MYCBP2: variants seen among roughly 807,000 people sequenced by gnomAD.
The protein encoded by MYCBP2 is E3 ubiquitin-protein ligase MYCBP2.
Under a neutral mutation model 525.3 loss-of-function variants are expected in MYCBP2, and 120 were observed. The observed-to-expected ratio is 0.23, with a 90% confidence interval of 0.20 to 0.27. MYCBP2 has a LOEUF of 0.27. MYCBP2 is among the 10% of genes least tolerant of loss of function. The pLI is 1.00. For missense variants in MYCBP2, 4,149 were observed against 5,657.1 expected (o/e 0.73, Z 8.55); for synonymous variants, 1,894 against 1,955.8 (o/e 0.97, Z 0.83).
Position 77,090,092 on chromosome 13 carries a change from A to G in MYCBP2, c.10525+14T>C, listed in dbSNP as rs762730291. ...GTCAGATCACTCAATATTCTTTTTT[A>G]TCCTCATACTTACCAGTGTCTCCAC... On this transcript the variant is annotated intron_variant, in intron 60 of 82. Transcript: ENST00000544440. 2 of 1,595,310 alleles carry G rather than the reference A, an allele frequency of 1.3e-6. No individual in the cohort carries two copies. Among genetic ancestry groups the G allele is most frequent in the Admixed American group, 3.5e-5 (2 of 57,618 alleles).
Position 77,174,480 on chromosome 13 carries a change from T to C in MYCBP2, c.5482A>G (p.Lys1828Glu). 6.2e-7 allele frequency: 1 copy of C among 1,613,356 alleles called. No individual in the cohort carries two copies. Among genetic ancestry groups the C allele is most frequent in the Non-Finnish European group, 8.5e-7 (1 of 1,179,372 alleles). The part of the protein sequence containing the change: ...DKVVPLKENV[K>E]YAVRLRNYGS... Reference sequence around the variant, plus strand: ...TAGTTCCTCAAGCGCACAGCATATTTAACATTTTCCTTCATTATAAAGATG... The same window carrying C: ...TAGTTCCTCAAGCGCACAGCATATTCAACATTTTCCTTCATTATAAAGATG... The change falls in exon 37 of 83, where the codon AAA becomes GAA. Residue 1828 changes from lysine to glutamate, a missense_variant. Coordinates refer to ENST00000544440, the MANE Select transcript of MYCBP2 (RefSeq NM_015057.5).
At chr13:77,227,483 C>CAT (rs2066453578) in intron 18 of MYCBP2, among the ~76,000 whole-genome samples, 2 of 7,814 alleles carry the variant, frequency 2.6e-4, no homozygotes, top group African/African-American at 4.6e-4. Flanking sequence ...CACACACATA[C>CAT]ACACACACAC....
Position 77,081,572 on chromosome 13 carries a change from C to T in MYCBP2, c.11273G>A (p.Gly3758Asp), listed in dbSNP as rs777966842. ...TTCTGTGGAGCCGTCTGTCAAACTG[C>T]CAATCATGGCAGGTCGGCTTGAAGT... ...IKTSSRPAMI[G>D]SLTDGSTETF... Residue 3758 changes from glycine to aspartate, a missense_variant, in exon 65 of 83, where the codon GGC becomes GAC. By Grantham distance (94) the Gly-to-Asp change is moderately conservative. Around this residue, in one of 21 missense-constraint regions of MYCBP2, gnomAD observed 509 missense variants for 789.4 expected, o/e 0.64. Coordinates refer to ENST00000544440, the MANE Select transcript of MYCBP2 (RefSeq NM_015057.5). The surrounding 1 kb of genome is among the most constrained non-coding windows in gnomAD (Gnocchi z 4.6). 3.7e-6 allele frequency: 6 copies of T among 1,613,824 alleles called. No homozygotes were observed. The highest frequency in any genetic ancestry group is 3.4e-6 in the Non-Finnish European group (4 of 1,179,886).
intron 46 of MYCBP2, among the ~76,000 whole-genome samples, chr13:77,155,355 C>T (rs1407006154): frequency 3.3e-5 from 5 of 152,100 alleles, no homozygotes; most frequent in Non-Finnish European, 7.4e-5. Flanking sequence ...CAGCTCTAAG[C>T]TTCAAACAAC....
At chr13:77,074,446 C>A (rs2041946709) in intron 68 of MYCBP2, among the ~76,000 whole-genome samples, 1 of 152,072 alleles carries the variant, frequency 6.6e-6, no homozygotes, top group Non-Finnish European at 1.5e-5. Context: ...CAAGAAAAAA[C>A]TGGACTTTAT....
chr13:77,200,065 A>C (rs1437039608), intron 26 of MYCBP2, among the ~76,000 whole-genome samples: 7 of 152,220 alleles, frequency 4.6e-5, no homozygotes, highest in African/African-American at 1.4e-4. Context: ...GAGCTGAGAG[A>C]AGAAGGCTTC....
chr13:77,108,370 C>A (rs1053383549), intron 55 of MYCBP2, among the ~76,000 whole-genome samples: 8 of 152,222 alleles, frequency 5.3e-5, no homozygotes, highest in African/African-American at 1.9e-4. Flanking sequence ...AAATTCTGAG[C>A]ATAATTTGAT....
intron 18 of MYCBP2, among the ~76,000 whole-genome samples, chr13:77,230,429 A>G (rs970311757): frequency 1.3e-5 from 2 of 152,210 alleles, no homozygotes; most frequent in Non-Finnish European, 2.9e-5. Context: ...TTATTAAAAG[A>G]CTGAAAATAT....
chr13:77,108,756 T>G (rs1450299972), intron 55 of MYCBP2, among the ~76,000 whole-genome samples: 1 of 151,788 alleles, frequency 6.6e-6, no homozygotes, highest in Non-Finnish European at 1.5e-5. Context: ...CAGGCTAAAG[T>G]GCAGAGGCAC....
intron 26 of MYCBP2, among the ~76,000 whole-genome samples, chr13:77,199,727 C>A (rs1311912312): frequency 6.6e-6 from 1 of 152,214 alleles, no homozygotes; most frequent in Non-Finnish European, 1.5e-5. Flanking sequence ...CAAGTGGGTC[C>A]CTGACCCCTG....
At position 77,164,455 on chromosome 13, in the gene MYCBP2, A is replaced by C. The variant is rs1194755544; in HGVS notation, c.6546T>G (p.Ile2182Met). Residue 2182 changes from isoleucine to methionine, a missense_variant and splice_region_variant, in exon 43 of 83, where the codon ATT becomes ATG. Physicochemically the swap from Ile to Met is conservative, Grantham distance 10. This residue lies in a region of MYCBP2 where 692 missense variants were observed against 852.7 expected (regional missense o/e 0.81). Coordinates refer to ENST00000544440, the MANE Select transcript of MYCBP2 (RefSeq NM_015057.5). ...ACATCCAGTATTGGCCACACTTACC[A>C]ATAGGAAGTGCTAGGTCCTTCTTCA... ...ALMKKDLALP[I>M]GNELEEDLEI... is the part of the protein sequence containing the mutation. 1.2e-6 allele frequency: 2 copies of C among 1,603,938 alleles called. No homozygotes were observed. Among genetic ancestry groups the C allele is most frequent in the South Asian group, 2.2e-5 (2 of 90,828 alleles).
chr13:77,121,209 A>G, intron 55 of MYCBP2, 164 bp downstream of exon 55: 12 of 629,404 alleles, frequency 1.9e-5, no homozygotes, highest in Non-Finnish European at 2.7e-5. Context: ...AAAAAACAAT[A>G]CTATGAAAAG....
At position 77,081,338 on chromosome 13, in the gene MYCBP2, A is replaced by C; in HGVS notation, c.11418+89T>G. ...TTGGTTGGTGAAATTCCAGGTGATAAAGCTTGTTGCTAAATTCAGAAATGA... is the reference window on the plus strand; with the variant it reads ...TTGGTTGGTGAAATTCCAGGTGATACAGCTTGTTGCTAAATTCAGAAATGA... On this transcript the variant is annotated intron_variant, in intron 65 of 82. Coordinates refer to ENST00000544440, the MANE Select transcript of MYCBP2 (RefSeq NM_015057.5). The surrounding 1 kb of genome is among the most constrained non-coding windows in gnomAD (Gnocchi z 4.6). 8.9e-7 allele frequency: 1 copy of C among 1,119,836 alleles called. No homozygotes were observed. The highest frequency in any genetic ancestry group is 1.3e-6 in the Non-Finnish European group (1 of 766,014). The allele number at this position is 1,119,836 out of a possible 1,614,324, so 69.4% of individuals were successfully genotyped here.
intron 73 of MYCBP2, among the ~76,000 whole-genome samples, chr13:77,062,968 C>A (rs1363600021): frequency 6.6e-6 from 1 of 152,166 alleles, no homozygotes; most frequent in Non-Finnish European, 1.5e-5. Context: ...TAAAATTATC[C>A]TTTATTGGTC....
rs935710539 is a variant in MYCBP2 at position 77,217,896 on chromosome 13, T to C, written c.3001A>G (p.Asn1001Asp). Reference protein sequence around the residue: ...GPSTQVTAGSNHTAVLLMDGQ... With the variant: ...GPSTQVTAGSDHTAVLLMDGQ... ...TCCATTAAAAGTACTGCCGTATGGTTGCTGCCTGCAGTGACTTGTGTGCTA... is the reference window on the plus strand; with the variant it reads ...TCCATTAAAAGTACTGCCGTATGGTCGCTGCCTGCAGTGACTTGTGTGCTA... Residue 1001 changes from asparagine to aspartate, a missense_variant, in exon 21 of 83, where the codon AAC becomes GAC. Transcript: ENST00000544440. 3 of 1,612,522 alleles carry C rather than the reference T, an allele frequency of 1.9e-6. No individual in the cohort carries two copies. The highest frequency in any genetic ancestry group is 2.5e-6 in the Non-Finnish European group (3 of 1,179,170).
Position 77,188,969 on chromosome 13 carries a change from A to C in MYCBP2, c.4233T>G (p.Phe1411Leu). The change falls in exon 30 of 83, where the codon TTT (phenylalanine) becomes TTG (leucine). Residue 1411 changes from phenylalanine to leucine, a missense_variant. By Grantham distance (22) the Phe-to-Leu change is conservative (BLOSUM62 0). Around this residue, in one of 21 missense-constraint regions of MYCBP2, gnomAD observed 292 missense variants for 330.5 expected, o/e 0.88. Transcript: ENST00000544440. ...SEPVHILKRS[F>L]ARTVSVECFE... ...GGCTTACCACTGAGACAGTTCTTGC[A>C]AAAGACCTCTTTAAAATGTGTACAG... is the stretch of plus-strand genomic sequence containing the variant. 1 of 1,601,624 alleles carries C rather than the reference A, an allele frequency of 6.2e-7. No individual in the cohort carries two copies. The highest frequency in any genetic ancestry group is 8.5e-7 in the Non-Finnish European group (1 of 1,175,224).
chr13:77,201,359 T>A (rs887393626), intron 26 of MYCBP2, among the ~76,000 whole-genome samples: 12 of 150,418 alleles, frequency 8.0e-5, no homozygotes, highest in Non-Finnish European at 1.2e-4. Flanking sequence ...TAAATATATA[T>A]GCACCCAATA....
intron 44 of MYCBP2, among the ~76,000 whole-genome samples, chr13:77,161,680 G>T (rs1215927240): frequency 6.6e-6 from 1 of 152,172 alleles, no homozygotes; most frequent in African/African-American, 2.4e-5. Flanking sequence ...TCTCCCGAAG[G>T]ATTTTTGTCT....
At chr13:77,082,126 C>G in intron 63 of MYCBP2, 133 bp from the exon 64 acceptor site, 1 of 758,116 alleles carries the variant, frequency 1.3e-6, no homozygotes, top group East Asian at 2.9e-5. Context: ...TTTAAAAATT[C>G]AGGGAAGAAA....
Sources: gnomAD v4.1 joint callset for allele counts (sites outside exome capture counted in the v4.1 genomes callset) on GRCh38, gnomAD v4.1.1 for gene constraint, gnomAD v4.1.1 regional missense constraint, Gnocchi (gnomAD v3.1) non-coding constraint, MANE v1.5 for transcripts, NCBI Gene and HGNC (gene_info 2026-07-23, HGNC 2026-07-21) for gene names.